MCOLN2: variants seen among roughly 807,000 people sequenced by gnomAD.
MCOLN2 encodes mucolipin TRP cation channel 2.
Under a neutral mutation model 67.5 loss-of-function variants are expected in MCOLN2, and 57 were observed. That is an observed-to-expected ratio of 0.84 (90% confidence interval 0.68 to 1.05). The LOEUF is 1.05. Ranked by LOEUF, MCOLN2 falls within the 50% of genes least tolerant of loss-of-function variation. The probability of loss-of-function intolerance (pLI) is 0.00; values close to 1 mark genes in which losing one functional copy is unlikely to be tolerated. For synonymous variants in MCOLN2, 246 were observed against 233.3 expected (o/e 1.05, Z -0.50); for missense variants, 620 against 678.8 (o/e 0.91, Z 0.96).
At chr1:84,941,886 G>A (rs1278266686) in intron 7 of MCOLN2, among the ~76,000 whole-genome samples, 1 of 152,154 alleles carries the variant, frequency 6.6e-6, no homozygotes, top group Non-Finnish European at 1.5e-5. Flanking sequence ...GCACACAGCA[G>A]CAAGAAGAAT....
intron 13 of MCOLN2, 53 bp downstream of exon 13, chr1:84,929,505 A>G: frequency 6.6e-7 from 1 of 1,511,630 alleles, no homozygotes; most frequent in Non-Finnish European, 8.9e-7. Context: ...GCTCTTTCTT[A>G]AGACAACAGA....
chr1:84,929,718 G>T, intron 12 of MCOLN2, 39 bp from the exon 13 acceptor site: 1 of 1,584,412 alleles, frequency 6.3e-7, no homozygotes, highest in Non-Finnish European at 8.6e-7. Context: ...TATTTATAAG[G>T]CATGAGAAAT....
intron 6 of MCOLN2, among the ~76,000 whole-genome samples, chr1:84,951,498 A>G (rs1648459862): frequency 2.6e-5 from 4 of 152,238 alleles, no homozygotes; most frequent in Admixed American, 2.6e-4. Context: ...AAAAAGAGAA[A>G]CAACTGCTCC....
At chr1:84,967,994 C>T (rs1471919836) in intron 1 of MCOLN2, among the ~76,000 whole-genome samples, 3 of 152,060 alleles carry the variant, frequency 2.0e-5, no homozygotes, top group African/African-American at 7.2e-5. Flanking sequence ...AGAGCAAGAA[C>T]TCCTGGGTCA....
At chr1:84,960,700 A>C (rs1474405869) in intron 2 of MCOLN2, among the ~76,000 whole-genome samples, 1 of 152,236 alleles carries the variant, frequency 6.6e-6, no homozygotes, top group Non-Finnish European at 1.5e-5. Flanking sequence ...AAGCCAGAAA[A>C]GGTCATGTTG....
At chr1:84,927,626 C>T (rs1330608105) in intron 13 of MCOLN2, among the ~76,000 whole-genome samples, 1 of 152,188 alleles carries the variant, frequency 6.6e-6, no homozygotes, top group Non-Finnish European at 1.5e-5. Flanking sequence ...TGACCACAGC[C>T]GTGCTCTGCA....
At position 84,937,743 on chromosome 1, in the gene MCOLN2, T is replaced by A; in HGVS notation, c.1335+12A>T. The stretch of plus-strand genomic sequence containing the variant: ...TGCCCCATCTGCAGAAGGAAGAATG[T>A]GAGCTACACACCTTGTCATGGTATG... On this transcript the variant is annotated intron_variant, in intron 11 of 13. Coordinates refer to ENST00000370608, the MANE Select transcript of MCOLN2 (RefSeq NM_153259.4). 1.2e-6 allele frequency: 2 copies of A among 1,613,384 alleles called. No individual in the cohort carries two copies. Among genetic ancestry groups the A allele is most frequent in the South Asian group, 2.2e-5 (2 of 90,788 alleles).
rs1350492170 is a variant in MCOLN2 at position 84,971,697 on chromosome 1, T to G, written c.78-5989A>C. ...TAACACATATTTACCCTATATACCT[T>G]GCAATGCTGAACACCTGGCTGGGGG... On this transcript the variant is annotated intron_variant, in intron 1 of 13. Coordinates refer to ENST00000370608, the MANE Select transcript of MCOLN2 (RefSeq NM_153259.4). Among the ~76,000 whole-genome samples the G allele has an allele frequency of 2.0e-5, 3 of 152,176 alleles. No homozygotes were observed. In the South Asian group the frequency reaches 6.2e-4, roughly 32 times the overall value.
intron 1 of MCOLN2, among the ~76,000 whole-genome samples, chr1:84,986,204 A>T (rs1650497829): frequency 1.3e-5 from 2 of 152,200 alleles, no homozygotes; most frequent in African/African-American, 4.8e-5. Flanking sequence ...AGGATACCCT[A>T]TTCAACAAAT....
intron 8 of MCOLN2, 132 bp downstream of exon 8, chr1:84,940,747 A>G: frequency 3.3e-6 from 2 of 603,998 alleles, no homozygotes; most frequent in Non-Finnish European, 5.9e-6. Context: ...CATAGCGGGC[A>G]ACTACTCAAA....
chr1:84,964,754 G>A (rs1007122492), intron 2 of MCOLN2, among the ~76,000 whole-genome samples: 5 of 152,104 alleles, frequency 3.3e-5, no homozygotes, highest in South Asian at 2.1e-4. Flanking sequence ...ATAAGGAGCC[G>A]CACCTAGATC....
At chr1:84,927,663 C>T (rs952009100) in intron 13 of MCOLN2, among the ~76,000 whole-genome samples, 2 of 152,244 alleles carry the variant, frequency 1.3e-5, no homozygotes, top group African/African-American at 4.8e-5. Context: ...TAGCAGGTGT[C>T]ATCTGTCATG....
At chr1:84,968,773 G>A (rs1483016714) in intron 1 of MCOLN2, among the ~76,000 whole-genome samples, 1 of 152,064 alleles carries the variant, frequency 6.6e-6, no homozygotes, top group East Asian at 1.9e-4. Context: ...TGCTGTGTAG[G>A]AGCCAGCCAT....
intron 1 of MCOLN2, among the ~76,000 whole-genome samples, chr1:84,981,981 T>C (rs1487867311): frequency 1.3e-5 from 2 of 151,756 alleles, no homozygotes. Context: ...TAAAAAATTA[T>C]TGCAAAAAAT....
Position 84,940,994 on chromosome 1 carries a change from G to A in MCOLN2, c.848-3C>T. On this transcript the variant is annotated splice_region_variant and splice_polypyrimidine_tract_variant and intron_variant, in intron 7 of 13. Coordinates refer to ENST00000370608, the MANE Select transcript of MCOLN2 (RefSeq NM_153259.4). Reference sequence around the variant, plus strand: ...GACATACTGAGCATTTTTCTGAGCTGAGGAATAAAACAGAATTCAAATGTT... The same window carrying A: ...GACATACTGAGCATTTTTCTGAGCTAAGGAATAAAACAGAATTCAAATGTT... 2 of 1,595,762 alleles carry A rather than the reference G, an allele frequency of 1.3e-6. No homozygotes were observed. Among genetic ancestry groups the A allele is most frequent in the Admixed American group, 1.7e-5 (1 of 59,292 alleles).
chr1:84,978,624 C>A (rs1312345994), intron 1 of MCOLN2, among the ~76,000 whole-genome samples: 2 of 152,054 alleles, frequency 1.3e-5, no homozygotes, highest in African/African-American at 4.8e-5. Flanking sequence ...TGGACACACA[C>A]AACCTACCAA....
intron 7 of MCOLN2, among the ~76,000 whole-genome samples, chr1:84,942,740 G>T (rs1647863307): frequency 6.6e-6 from 1 of 152,146 alleles, no homozygotes; most frequent in Non-Finnish European, 1.5e-5. Context: ...GGGTCATGAG[G>T]TCTCTGCCCT....
intron 8 of MCOLN2, among the ~76,000 whole-genome samples, chr1:84,940,395 G>A (rs1288687403): frequency 5.9e-5 from 9 of 152,120 alleles, no homozygotes; most frequent in Admixed American, 5.2e-4. Context: ...AGAGCCCTGA[G>A]GGTAAAAAGG....
At chr1:84,939,240 T>G (rs900027548) in intron 9 of MCOLN2, among the ~76,000 whole-genome samples, 1 of 152,172 alleles carries the variant, frequency 6.6e-6, no homozygotes, top group African/African-American at 2.4e-5. Flanking sequence ...GCTCTTGACA[T>G]GCAGGTTCAG....
Sources: gnomAD v4.1 joint callset for allele counts (sites outside exome capture counted in the v4.1 genomes callset) on GRCh38, gnomAD v4.1.1 for gene constraint, MANE v1.5 for transcripts, NCBI Gene and HGNC (gene_info 2026-07-23, HGNC 2026-07-21) for gene names.